HIF1A: variants seen among roughly 807,000 people sequenced by gnomAD.
HIF1A encodes hypoxia-inducible factor 1-alpha.
HIF1A carries 24 observed loss-of-function variants against 92.7 expected under a neutral mutation model. The observed-to-expected ratio is 0.26, with a 90% CI of 0.19 to 0.36. The LOEUF is 0.36. Ranked by LOEUF, HIF1A falls within the 10% of genes least tolerant of loss-of-function variation. The probability of loss-of-function intolerance (pLI) is 1.00; values close to 1 mark genes in which losing one functional copy is unlikely to be tolerated. For synonymous variants in HIF1A, 319 were observed against 338.7 expected (o/e 0.94, Z 0.64); for missense variants, 799 against 998.5 (o/e 0.80, Z 2.69).
intron 4 of HIF1A, among the ~76,000 whole-genome samples, chr14:61,723,924 T>C (rs2044465708): frequency 6.6e-6 from 1 of 152,230 alleles, no homozygotes; most frequent in Non-Finnish European, 1.5e-5. Flanking sequence ...GATTTTTCTC[T>C]TTTAGAAATC....
chr14:61,734,336 T>C, intron 8 of HIF1A, 51 bp downstream of exon 8: 3 of 1,281,900 alleles, frequency 2.3e-6, no homozygotes, highest in Non-Finnish European at 3.3e-6. Flanking sequence ...AGTAATTCTT[T>C]TTGGATACTC....
rs796322463 is a variant in HIF1A at position 61,727,436 on chromosome 14, T to C, written c.571-17T>C. ...ATTGTAAATATTTTTTTTAACTGCT[T>C]TGTTCTTCATACACAGGTATTGCAC... On this transcript the variant is annotated splice_polypyrimidine_tract_variant and intron_variant, in intron 5 of 14. Coordinates refer to ENST00000337138, the MANE Select transcript of HIF1A (RefSeq NM_001530.4). The C allele has an allele frequency of 3.1e-6, 5 of 1,589,056 alleles. No homozygotes were observed. The African/African-American group carries it at 6.7e-5, about 21-fold the overall frequency.
At position 61,727,603 on chromosome 14, in the gene HIF1A, A is replaced by G. The variant is rs2044522269; in HGVS notation, c.721A>G (p.Thr241Ala). The stretch of plus-strand genomic sequence containing the variant: ...TATTGAAATTCCTTTAGATAGCAAG[A>G]CTTTCCTCAGTCGACACAGCCTGGA... ...SNIEIPLDSK[T>A]FLSRHSLDMK... Residue 241 changes from threonine to alanine, a missense_variant, in exon 6 of 15, where the codon ACT becomes GCT. Transcript: ENST00000337138. The G allele has an allele frequency of 6.2e-7, 1 of 1,613,876 alleles. No homozygotes were observed. Among genetic ancestry groups the G allele is most frequent in the Non-Finnish European group, 8.5e-7 (1 of 1,179,768 alleles).
chr14:61,719,944 T>G (rs1037273642), intron 1 of HIF1A, among the ~76,000 whole-genome samples: 3 of 152,242 alleles, frequency 2.0e-5, no homozygotes, highest in Non-Finnish European at 4.4e-5. Flanking sequence ...TTCTACCTGC[T>G]AACAACTCCT....
chr14:61,718,227 A>T (rs773891906), intron 1 of HIF1A, among the ~76,000 whole-genome samples: 1 of 152,162 alleles, frequency 6.6e-6, no homozygotes, highest in Non-Finnish European at 1.5e-5. Context: ...CTGAGGCAGG[A>T]GAATTGCTTG....
intron 10 of HIF1A, chr14:61,740,015 C>T (rs1409372386): frequency 6.7e-6 from 1 of 149,382 alleles, no homozygotes; most frequent in African/African-American, 2.5e-5. Flanking sequence ...TATATATTGG[C>T]AAAATTAGTT....
Position 61,741,038 on chromosome 14 carries a change from A to G in HIF1A, c.1943A>G (p.His648Arg). 1 of 1,614,166 alleles carries G rather than the reference A, an allele frequency of 6.2e-7. No homozygotes were observed. Among genetic ancestry groups the G allele is most frequent in the Non-Finnish European group, 8.5e-7 (1 of 1,179,988 alleles). Reference sequence around the variant, plus strand: ...GCATCTCCATCTCCTACCCACATACATAAAGAAACTACTAGTGCCACATCA... The same window carrying G: ...GCATCTCCATCTCCTACCCACATACGTAAAGAAACTACTAGTGCCACATCA... ...LIASPSPTHI[H>R]KETTSATSSP... Residue 648 changes from histidine (H) to arginine (R), a missense_variant, in exon 12 of 15, where the codon CAT (histidine) becomes CGT (arginine). This residue lies in a region of HIF1A where 283 missense variants were observed against 277.5 expected (regional missense o/e 1.02). Coordinates refer to ENST00000337138, the MANE Select transcript of HIF1A (RefSeq NM_001530.4).
chr14:61,704,275 A>G (rs1566560280), intron 1 of HIF1A, among the ~76,000 whole-genome samples: 3 of 152,196 alleles, frequency 2.0e-5, no homozygotes, highest in Non-Finnish European at 4.4e-5. Flanking sequence ...GACGAAGGCT[A>G]TTCACCACCA....
At chr14:61,739,737 T>C (rs1449454268) in intron 10 of HIF1A, among the ~76,000 whole-genome samples, 1 of 152,220 alleles carries the variant, frequency 6.6e-6, no homozygotes, top group Non-Finnish European at 1.5e-5. Context: ...AGTAATAATG[T>C]ACATTCGTTC....
chr14:61,746,391 T>G (rs58328300), intron 14 of HIF1A, among the ~76,000 whole-genome samples: 1 of 114,892 alleles, frequency 8.7e-6, no homozygotes, highest in Non-Finnish European at 1.6e-5. Context: ...TTTTATGACT[T>G]CTTTTTTTTT....
intron 9 of HIF1A, among the ~76,000 whole-genome samples, chr14:61,737,400 T>A (rs751325985): frequency 2.0e-4 from 30 of 152,338 alleles, no homozygotes; most frequent in Non-Finnish European, 4.0e-4. Context: ...TGTCAGATTT[T>A]CTCCACAGTT....
chr14:61,720,197 C>G lies in HIF1A; in HGVS notation c.36-185C>G, dbSNP rs878967141. On this transcript the variant is annotated intron_variant, in intron 1 of 14. Transcript: ENST00000337138. Reference sequence around the variant, plus strand: ...AGAGTTCCTTATGTGTGCAGTAATCCAAAATTTGTATAGTTGCCCTTTATA... The same window carrying G: ...AGAGTTCCTTATGTGTGCAGTAATCGAAAATTTGTATAGTTGCCCTTTATA... Among the ~76,000 whole-genome samples the G allele has an allele frequency of 2.0e-5, 3 of 152,098 alleles. No homozygotes were observed. In the South Asian group the frequency reaches 6.2e-4, roughly 32 times the overall value.
chr14:61,698,190 A>G (rs2044137754), intron 1 of HIF1A, among the ~76,000 whole-genome samples: 1 of 152,336 alleles, frequency 6.6e-6, no homozygotes, highest in African/African-American at 2.4e-5. Flanking sequence ...AATTTCCTTC[A>G]TTAACTTTGG....
intron 1 of HIF1A, among the ~76,000 whole-genome samples, chr14:61,704,442 A>G (rs908764973): frequency 2.6e-5 from 4 of 152,156 alleles, no homozygotes; most frequent in Non-Finnish European, 4.4e-5. Context: ...AGGAAGAAAA[A>G]TGTTCTCAAA....
chr14:61,742,209 T>C (rs2044719904), intron 12 of HIF1A, among the ~76,000 whole-genome samples: 1 of 152,226 alleles, frequency 6.6e-6, no homozygotes, highest in Non-Finnish European at 1.5e-5. Context: ...TTCACATATT[T>C]TAAGTTTGAG....
intron 1 of HIF1A, among the ~76,000 whole-genome samples, chr14:61,713,808 T>C (rs1594864516): frequency 6.6e-6 from 1 of 152,288 alleles, no homozygotes; most frequent in South Asian, 2.1e-4. Flanking sequence ...GAGGCCAGAC[T>C]TGCAACTCCT....
At chr14:61,701,307 T>A (rs985509729) in intron 1 of HIF1A, among the ~76,000 whole-genome samples, 1 of 152,234 alleles carries the variant, frequency 6.6e-6, no homozygotes, top group African/African-American at 2.4e-5. Flanking sequence ...ATCTTGTAAA[T>A]GGGAAAATGT....
chr14:61,724,349 TTCTC>T lies in HIF1A; in HGVS notation c.458-2328_458-2325del, dbSNP rs147642291. On this transcript the variant is annotated intron_variant, in intron 4 of 14. Transcript: ENST00000337138. ...CCTACACACACACGACACACACACA[TTCTC>T]TCTCTCTCTCTCTCTCTCTCTCTCT... Among the ~76,000 whole-genome samples, 686 of 96,092 alleles carry T rather than the reference TTCTC, an allele frequency of 7.1e-3. 8 individuals carry two copies. Among genetic ancestry groups the T allele is most frequent in the African/African-American group, 0.02 (577 of 29,136 alleles). The allele number at this position is 96,092 out of a possible 152,430, so 63.0% of individuals were successfully genotyped here.
intron 8 of HIF1A, among the ~76,000 whole-genome samples, 196 bp downstream of exon 8, chr14:61,734,481 T>C (rs565419822): frequency 6.6e-6 from 1 of 152,344 alleles, no homozygotes; most frequent in East Asian, 1.9e-4. Flanking sequence ...TGCTAAACAC[T>C]GTCAGTAGTT....
Sources: gnomAD v4.1 joint callset for allele counts (sites outside exome capture counted in the v4.1 genomes callset) on GRCh38, gnomAD v4.1.1 for gene constraint, gnomAD v4.1.1 regional missense constraint, MANE v1.5 for transcripts, NCBI Gene and HGNC (gene_info 2026-07-23, HGNC 2026-07-21) for gene names.